The following NDUFA10 variants were observed in gnomAD, a reference collection of about 807,000 sequenced individuals.
The protein encoded by NDUFA10 is NADH dehydrogenase [ubiquinone] 1 alpha subcomplex subunit 10, mitochondrial.
NDUFA10 carries 40 observed loss-of-function variants against 47.8 expected under a neutral mutation model. That is an observed-to-expected ratio of 0.84 (90% CI 0.65 to 1.09). The LOEUF is 1.09. Ranked by LOEUF, NDUFA10 falls within the 50% of genes least tolerant of loss-of-function variation. The pLI is 0.00. For synonymous variants in NDUFA10, 183 were observed against 172.2 expected (o/e 1.06, Z -0.49); for missense variants, 413 against 451.1 (o/e 0.92, Z 0.76).
chr2:240,025,254 C>G lies in NDUFA10; in HGVS notation c.48G>C (p.Arg16=), dbSNP rs1329986779. 1 of 1,500,416 alleles carries G rather than the reference C, an allele frequency of 6.7e-7. No homozygotes were observed. The highest frequency in any genetic ancestry group is 8.9e-7 in the Non-Finnish European group (1 of 1,129,542). 92.9% of individuals were successfully genotyped at this position (1,500,416 alleles called of 1,614,324 possible). ...CGCGCTGGGCGCCCGCCGCCACGAC[C>G]CGGGCGGACGCGGACGTCGCTGCCA... is the stretch of plus-strand genomic sequence containing the variant. ...LKLAATSASA[R]VVAAGAQRVR... is the part of the protein sequence containing the mutation. The change falls in exon 1 of 10, where the codon CGG becomes CGC. Residue 16 remains arginine (R), a synonymous_variant. Transcript: ENST00000252711.
At chr2:240,012,502 G>GAAGA (rs1697181475) in intron 5 of NDUFA10, 1 of 152,194 alleles carries the variant, frequency 6.6e-6, no homozygotes, top group South Asian at 2.1e-4. Flanking sequence ...AGAGAGGAAG[G>GAAGA]AAGAAAGAAA....
chr2:239,897,030 G>A (rs959488088), intron 4 of NDUFA10, among the ~76,000 whole-genome samples: 1 of 152,116 alleles, frequency 6.6e-6, no homozygotes, highest in Admixed American at 6.5e-5. Flanking sequence ...TAGTTTATAA[G>A]GAATTATATT....
At chr2:240,014,606 TG>T in intron 5 of NDUFA10, 132 bp downstream of exon 5, 2 of 1,397,076 alleles carry the variant, frequency 1.4e-6, no homozygotes, top group Non-Finnish European at 2.0e-6. Flanking sequence ...CTCTCTCAAG[TG>T]GGAACAGGGT....
intron 9 of NDUFA10, among the ~76,000 whole-genome samples, chr2:239,971,418 T>C (rs1031690934): frequency 2.0e-5 from 3 of 152,238 alleles, no homozygotes; most frequent in Non-Finnish European, 2.9e-5. Context: ...CACCTCTGCC[T>C]CCTCGAATCC....
chr2:239,898,072 A>C (rs918817459), intron 4 of NDUFA10, among the ~76,000 whole-genome samples: 8 of 152,210 alleles, frequency 5.3e-5, no homozygotes, highest in African/African-American at 1.7e-4. Context: ...ACGGAACTGC[A>C]GGAACCAACC....
intron 9 of NDUFA10, among the ~76,000 whole-genome samples, chr2:239,971,190 G>A (rs1193223297): frequency 1.3e-5 from 2 of 152,254 alleles, no homozygotes; most frequent in African/African-American, 2.4e-5. Context: ...GTGAGTGAAT[G>A]TGATTAACTT....
intron 4 of NDUFA10, among the ~76,000 whole-genome samples, chr2:239,899,628 A>C (rs1244285976): frequency 6.6e-6 from 1 of 152,054 alleles, no homozygotes; most frequent in Non-Finnish European, 1.5e-5. Context: ...CAACTCAACA[A>C]AGTCAGTTAG....
intron 4 of NDUFA10, among the ~76,000 whole-genome samples, chr2:239,900,076 G>A (rs921736716): frequency 1.3e-5 from 2 of 152,040 alleles, no homozygotes; most frequent in Non-Finnish European, 2.9e-5. Flanking sequence ...TTCTCCCGTG[G>A]TGGATGCTTC....
chr2:239,964,885 A>G (rs1224824398), intron 9 of NDUFA10, among the ~76,000 whole-genome samples: 1 of 152,156 alleles, frequency 6.6e-6, no homozygotes, highest in Non-Finnish European at 1.5e-5. Context: ...ACAAAAGATC[A>G]CCGAAAGGTT....
At chr2:239,965,112 G>C (rs1695006050) in intron 9 of NDUFA10, among the ~76,000 whole-genome samples, 1 of 152,206 alleles carries the variant, frequency 6.6e-6, no homozygotes, top group South Asian at 2.1e-4. Flanking sequence ...TTTGCAAATA[G>C]AATTTTAAAT....
At chr2:240,007,696 C>T (rs1307451774) in intron 6 of NDUFA10, among the ~76,000 whole-genome samples, 1 of 152,204 alleles carries the variant, frequency 6.6e-6, no homozygotes, top group African/African-American at 2.4e-5. Flanking sequence ...GTACATGAGC[C>T]ATGTCAGCAG....
intron 4 of NDUFA10, among the ~76,000 whole-genome samples, chr2:239,926,031 A>G (rs938183732): frequency 1.1e-4 from 16 of 152,222 alleles, no homozygotes; most frequent in African/African-American, 3.1e-4. Flanking sequence ...TGTCCTTCAC[A>G]CATCATTGGT....
chr2:240,002,874 GAC>G (rs1696783231), intron 8 of NDUFA10, among the ~76,000 whole-genome samples: 1 of 152,056 alleles, frequency 6.6e-6, no homozygotes, highest in African/African-American at 2.4e-5. Flanking sequence ...TCTTTTGAGA[GAC>G]AGAGTCTCTG....
chr2:240,004,667 A>C (rs1222342067), intron 8 of NDUFA10, among the ~76,000 whole-genome samples: 1 of 148,502 alleles, frequency 6.7e-6, no homozygotes, highest in East Asian at 1.9e-4. Flanking sequence ...TTTTCTGGCC[A>C]CACTGGCTTG....
rs1445284608 is a variant in NDUFA10, at chr2:239,906,462, C to T, written c.295-11148G>A. Among the ~76,000 whole-genome samples, 7 of 152,166 alleles carry T rather than the reference C, an allele frequency of 4.6e-5. No individual in the cohort carries two copies. In the South Asian group the frequency reaches 6.2e-4, roughly 14 times the overall value. On this transcript the variant is annotated intron_variant, in intron 4 of 5. Coordinates refer to the NDUFA10 transcript ENST00000419408. The surrounding 1 kb of genome is among the most constrained non-coding windows in gnomAD (Gnocchi z 4.3). Reference sequence around the variant, plus strand: ...CACCCCAGGCCTTGAGAACACCAGACGGGGGCCCCCACGCCAATTCATGGA... The same window carrying T: ...CACCCCAGGCCTTGAGAACACCAGATGGGGGCCCCCACGCCAATTCATGGA...
chr2:239,936,973 T>G (rs2106376523), intron 4 of NDUFA10, among the ~76,000 whole-genome samples: 1 of 152,094 alleles, frequency 6.6e-6, no homozygotes, highest in Non-Finnish European at 1.5e-5. Flanking sequence ...AAAATAAAAA[T>G]AAAAAAGAAA....
chr2:239,982,082 C>G, intron 9 of NDUFA10: 1 of 1,611,500 alleles, frequency 6.2e-7, no homozygotes. Flanking sequence ...CTGTTTGCTC[C>G]CCTGCAGCAA....
At position 240,005,172 on chromosome 2, in the gene NDUFA10, C is replaced by T. The variant is rs780748841; in HGVS notation, c.890+38G>A. ...TAAGTTTCCCCATCATGCAAGTAGA[C>T]CCCAGACATGCAGCAGCCCCCACAC... On this transcript the variant is annotated intron_variant, in intron 8 of 9. Coordinates refer to ENST00000252711, the MANE Select transcript of NDUFA10 (RefSeq NM_004544.4). 6.5e-6 allele frequency: 10 copies of T among 1,544,422 alleles called. No individual in the cohort carries two copies. In the African/African-American group the frequency reaches 1.2e-4, roughly 19 times the overall value.
At chr2:239,943,589 G>A (rs1488341101) in intron 4 of NDUFA10, among the ~76,000 whole-genome samples, 2 of 152,186 alleles carry the variant, frequency 1.3e-5, no homozygotes, top group South Asian at 2.1e-4. Flanking sequence ...GTTAGGGACT[G>A]GGGGCAGGAC....
Sources: gnomAD v4.1 joint callset for allele counts (sites outside exome capture counted in the v4.1 genomes callset) on GRCh38, gnomAD v4.1.1 for gene constraint, Gnocchi (gnomAD v3.1) non-coding constraint, MANE v1.5 for transcripts, NCBI Gene and HGNC (gene_info 2026-07-23, HGNC 2026-07-21) for gene names.